TTC6: variants seen among roughly 807,000 people sequenced by gnomAD.
TTC6 encodes tetratricopeptide repeat domain 6.
In TTC6, 172 loss-of-function variants were observed where a neutral mutation model predicts 210.4. The observed-to-expected ratio is 0.82, with a 90% CI of 0.72 to 0.93. The LOEUF is 0.93. Ranked by LOEUF, TTC6 falls within the 40% of genes least tolerant of loss-of-function variation. The pLI is 0.00. For synonymous variants in TTC6, 804 were observed against 819.6 expected, an observed-to-expected ratio of 0.98 and a Z score of 0.32; for missense variants, 2,414 against 2,318.1, an observed-to-expected ratio of 1.04 and a Z score of -0.85.
intron 1 of TTC6, among the ~76,000 whole-genome samples, chr14:37,596,362 C>G (rs1418693073): frequency 6.6e-6 from 1 of 152,276 alleles, no homozygotes; most frequent in Non-Finnish European, 1.5e-5. Flanking sequence ...GGCAGAAGCC[C>G]GAGACTGCCC....
intron 24 of TTC6, 107 bp from the exon 27 acceptor site, chr14:37,812,207 T>C: frequency 8.6e-7 from 1 of 1,164,494 alleles, no homozygotes; most frequent in South Asian, 1.7e-5. Flanking sequence ...TAAAACAAAT[T>C]GAAGAACTAA....
chr14:37,812,532 T>G, intron 25 of TTC6, 99 bp downstream of exon 27: 2 of 1,171,356 alleles, frequency 1.7e-6, no homozygotes, highest in South Asian at 2.1e-5. Flanking sequence ...TATTAATGAG[T>G]GGTAGCTCAA....
intron 26 of TTC6, among the ~76,000 whole-genome samples, chr14:37,823,039 A>G (rs970018536): frequency 2.6e-5 from 4 of 152,148 alleles, no homozygotes; most frequent in Admixed American, 2.6e-4. Context: ...CTCCATGTTA[A>G]TTGAAACTAA....
chr14:37,725,990 T>C (rs1348848959), intron 7 of TTC6, among the ~76,000 whole-genome samples: 1 of 152,216 alleles, frequency 6.6e-6, no homozygotes, highest in Non-Finnish European at 1.5e-5. Context: ...AATAACCTAT[T>C]ATTCTTCTCC....
chr14:37,639,556 T>A (rs2095687622), intron 1 of TTC6, among the ~76,000 whole-genome samples: 1 of 152,072 alleles, frequency 6.6e-6, no homozygotes, highest in African/African-American at 2.4e-5. Flanking sequence ...TGCTATGTAT[T>A]TAATTTTTAT....
At chr14:37,734,897 CTTA>C (rs990336033) in intron 7 of TTC6, among the ~76,000 whole-genome samples, 5 of 152,008 alleles carry the variant, frequency 3.3e-5, no homozygotes, top group African/African-American at 1.2e-4. Flanking sequence ...GGTTTTTGTC[CTTA>C]TTGTTGTTAA....
intron 23 of TTC6, 119 bp from the exon 26 acceptor site, chr14:37,808,614 T>TA (rs1300033266): frequency 3.8e-6 from 2 of 526,650 alleles, no homozygotes; most frequent in Non-Finnish European, 6.8e-6. Flanking sequence ...TCACAGATGA[T>TA]ACAAAGAATG....
In TTC6 at chr14:37,817,570, T is replaced by A. The variant is rs1260733817; in HGVS notation, c.4690-8T>A. Reference sequence around the variant, plus strand: ...CAAAATTAACAAAAGCTTATAACATTATTTCAGGATTTTAAACAAGCTGCA... The same window carrying A: ...CAAAATTAACAAAAGCTTATAACATAATTTCAGGATTTTAAACAAGCTGCA... On this transcript the variant is annotated splice_region_variant and splice_polypyrimidine_tract_variant and intron_variant, in intron 25 of 30. Transcript: ENST00000553443. 1.2e-6 allele frequency: 2 copies of A among 1,612,932 alleles called. No homozygotes were observed. Among genetic ancestry groups the A allele is most frequent in the Non-Finnish European group, 1.7e-6 (2 of 1,179,588 alleles).
chr14:37,755,280 C>T (rs970535244), intron 14 of TTC6, among the ~76,000 whole-genome samples: 43 of 151,924 alleles, frequency 2.8e-4, no homozygotes, highest in Non-Finnish European at 3.7e-4. Flanking sequence ...GGATATTAGA[C>T]CTTTGTCAGA....
exon 27 of TTC6, chr14:37,823,932 G>T (rs2096164207): frequency 6.2e-7 from 1 of 1,613,818 alleles, no homozygotes; most frequent in South Asian, 1.1e-5. Flanking sequence ...ATAAAAGCCA[G>T]AATTAGTTTT....
At chr14:37,597,106 A>C (rs1313647988) in intron 1 of TTC6, among the ~76,000 whole-genome samples, 1 of 152,074 alleles carries the variant, frequency 6.6e-6, no homozygotes, top group Non-Finnish European at 1.5e-5. Context: ...TCAGTAGGGC[A>C]GGAACCCTCC....
intron 25 of TTC6, among the ~76,000 whole-genome samples, chr14:37,816,705 A>G (rs2139458693): frequency 6.6e-6 from 1 of 152,300 alleles, no homozygotes; most frequent in Admixed American, 6.5e-5. Context: ...TATAAAATGT[A>G]TGTAAATATC....
chr14:37,700,337 G>A (rs1013646494), intron 4 of TTC6, among the ~76,000 whole-genome samples: 16 of 152,136 alleles, frequency 1.1e-4, no homozygotes, highest in African/African-American at 3.6e-4. Flanking sequence ...ATACAGCTTC[G>A]TTGTGGGAAT....
intron 2 of TTC6, among the ~76,000 whole-genome samples, 158 bp downstream of exon 2, chr14:37,606,900 G>T (rs1412822416): frequency 6.6e-6 from 1 of 152,202 alleles, no homozygotes; most frequent in East Asian, 1.9e-4. Context: ...GGTCTAGCAG[G>T]AAAGCACACT....
At chr14:37,765,421 T>A (rs1186651686) in intron 14 of TTC6, among the ~76,000 whole-genome samples, 6 of 146,968 alleles carry the variant, frequency 4.1e-5, no homozygotes, top group African/African-American at 1.5e-4. Flanking sequence ...CCTCAAGCAA[T>A]CCCCCAACTT....
chr14:37,751,442 G>C (rs2095951604), intron 13 of TTC6, among the ~76,000 whole-genome samples: 1 of 152,112 alleles, frequency 6.6e-6, no homozygotes, highest in Non-Finnish European at 1.5e-5. Context: ...ATTTACATCA[G>C]AATTGAGTGT....
At chr14:37,764,425 T>A (rs1157310894) in intron 14 of TTC6, among the ~76,000 whole-genome samples, 1 of 152,196 alleles carries the variant, frequency 6.6e-6, no homozygotes, top group Non-Finnish European at 1.5e-5. Context: ...CCAATTCTGT[T>A]AGTCTTTGCT....
chr14:37,786,714 C>T (rs1318837355), intron 14 of TTC6, among the ~76,000 whole-genome samples: 15 of 152,356 alleles, frequency 9.8e-5, no homozygotes, highest in Admixed American at 5.9e-4. Context: ...TCTTCTGCAT[C>T]GCTCACGCGG....
At position 37,665,690 on chromosome 14, in the gene TTC6, T is replaced by C. The variant is rs2095746591; in HGVS notation, c.940-14461T>C. Among the ~76,000 whole-genome samples, 3 of 150,296 alleles carry C rather than the reference T, an allele frequency of 2.0e-5. No individual in the cohort carries two copies. In the South Asian group the frequency reaches 6.4e-4, roughly 32 times the overall value. On this transcript the variant is annotated intron_variant, in intron 1 of 30. Transcript: ENST00000553443. ...GAAAAAAATGATGAACTGGCAAAATTAACCTTGAGCATCTTGAAGAAAAAG... is the reference window on the plus strand; with the variant it reads ...GAAAAAAATGATGAACTGGCAAAATCAACCTTGAGCATCTTGAAGAAAAAG...
Sources: gnomAD v4.1 joint callset for allele counts (sites outside exome capture counted in the v4.1 genomes callset) on GRCh38, gnomAD v4.1.1 for gene constraint, MANE v1.5 for transcripts, NCBI Gene and HGNC (gene_info 2026-07-23, HGNC 2026-07-21) for gene names.